CFI: variants seen among roughly 807,000 people sequenced by gnomAD.
CFI encodes the protein complement factor I.
Under a neutral mutation model 78.8 loss-of-function variants are expected in CFI, and 66 were observed. The ratio of observed to expected loss-of-function variants is 0.84; its 90% CI spans 0.69 to 1.03. CFI has a LOEUF of 1.03. Among genes scored for constraint, CFI ranks in the 50% least tolerant of loss-of-function variants. CFI has a pLI of 0.00. For synonymous variants in CFI, 250 were observed against 232.6 expected, an observed-to-expected ratio of 1.07 and a Z score of -0.68; for missense variants, 706 against 704.5, an observed-to-expected ratio of 1.00 and a Z score of -0.02.
downstream of CFI, among the ~76,000 whole-genome samples, chr4:109,737,757 C>G (rs1723452461): frequency 6.6e-6 from 1 of 152,124 alleles, no homozygotes; most frequent in African/African-American, 2.4e-5. Context: ...TTCTCTGGCT[C>G]TTTTGGAAAT....
At position 109,766,698 on chromosome 4, in the gene CFI, T is replaced by C. The variant is rs1393611407; in HGVS notation, c.184A>G (p.Lys62Glu). 6.2e-7 allele frequency: 1 copy of C among 1,614,208 alleles called. No individual in the cohort carries two copies. The highest frequency in any genetic ancestry group is 8.5e-7 in the Non-Finnish European group (1 of 1,180,046). ...QRCIEGTCVCKLPYQCPKNGT... is the reference protein window; with the variant it reads ...QRCIEGTCVCELPYQCPKNGT... ...TTCTTTGGGCACTGATACGGTAGTT[T>C]ACAAACACAGGTGCCCTCAATGCAT... Residue 62 changes from lysine (K) to glutamate (E), a missense_variant, in exon 2 of 13, where the codon AAA becomes GAA. Coordinates refer to ENST00000394634, the MANE Select transcript of CFI (RefSeq NM_000204.5).
chr4:109,739,436 A>G (rs1299738921), downstream of CFI, among the ~76,000 whole-genome samples: 1 of 152,174 alleles, frequency 6.6e-6, no homozygotes, highest in Non-Finnish European at 1.5e-5. Context: ...TAGACAACCC[A>G]ATCAAAACAG....
At chr4:109,787,097 A>G (rs1414330311) in intron 1 of CFI, among the ~76,000 whole-genome samples, 1 of 152,110 alleles carries the variant, frequency 6.6e-6, no homozygotes, top group African/African-American at 2.4e-5. Context: ...CCACTGACCT[A>G]CAGACTTGTA....
At chr4:109,743,864 G>T (rs1724108590) in intron 11 of CFI, among the ~76,000 whole-genome samples, 1 of 151,954 alleles carries the variant, frequency 6.6e-6, no homozygotes, top group Admixed American at 6.6e-5. Context: ...CAGGCATGGT[G>T]GTCCCAGCTG....
intron 1 of CFI, among the ~76,000 whole-genome samples, chr4:109,792,327 T>C (rs10016598): frequency 0.42 from 64,006 of 151,956 alleles, 14,481 homozygotes; most frequent in African/African-American, 0.56. Flanking sequence ...GCCTATAATC[T>C]CAGCACTTTG....
chr4:109,783,005 C>G (rs1304296094), intron 1 of CFI, among the ~76,000 whole-genome samples: 3 of 152,042 alleles, frequency 2.0e-5, no homozygotes, highest in Non-Finnish European at 4.4e-5. Flanking sequence ...ATTCTCATCT[C>G]TCACCTTATA....
chr4:109,758,760 A>T (rs1215683687), intron 6 of CFI, among the ~76,000 whole-genome samples: 1 of 152,220 alleles, frequency 6.6e-6, no homozygotes, highest in African/African-American at 2.4e-5. Flanking sequence ...ACAAGAAGAC[A>T]TTATGTGTAA....
At chr4:109,780,284 TCAAA>T (rs1729833551) in intron 1 of CFI, among the ~76,000 whole-genome samples, 1 of 151,510 alleles carries the variant, frequency 6.6e-6, no homozygotes, top group South Asian at 2.1e-4. Context: ...TACAAAGAAC[TCAAA>T]CAAATTTACA....
downstream of CFI, among the ~76,000 whole-genome samples, chr4:109,736,970 G>C (rs1448637285): frequency 6.6e-6 from 1 of 152,050 alleles, no homozygotes; most frequent in African/African-American, 2.4e-5. Context: ...AATTATCCTA[G>C]TCTCAAATCC....
intron 1 of CFI, among the ~76,000 whole-genome samples, chr4:109,782,486 A>G (rs1206792613): frequency 6.6e-6 from 1 of 151,714 alleles, no homozygotes; most frequent in Admixed American, 6.6e-5. Flanking sequence ...AAAAACTTCT[A>G]CAAGGAAAAC....
Position 109,741,008 on chromosome 4 carries a change from C to G in CFI, c.1637G>C (p.Trp546Ser). 6.2e-7 allele frequency: 1 copy of G among 1,614,166 alleles called. No individual in the cohort carries two copies. Among genetic ancestry groups the G allele is most frequent in the Non-Finnish European group, 8.5e-7 (1 of 1,180,006 alleles). ...NVTYVWGVVS[W>S]GENCGKPEFP... ...CTCTGGTTTTCCACAGTTTTCCCCCCAACTCACAACACCCCAGACATAAGT... is the reference window on the plus strand; with the variant it reads ...CTCTGGTTTTCCACAGTTTTCCCCCGAACTCACAACACCCCAGACATAAGT... The change falls in exon 13 of 13, where the codon TGG becomes TCG. Residue 546 changes from tryptophan (W) to serine (S), a missense_variant. Trp to Ser is a radical substitution (Grantham distance 177, BLOSUM62 -3). Transcript: ENST00000394634.
At chr4:109,736,054 G>A (rs1723352579), downstream of CFI, among the ~76,000 whole-genome samples, 1 of 152,126 alleles carries the variant, frequency 6.6e-6, no homozygotes, top group Admixed American at 6.5e-5. Flanking sequence ...CTGTATCTCA[G>A]GCCTGCTCAG....
chr4:109,786,362 A>T (rs1280097776), intron 1 of CFI, among the ~76,000 whole-genome samples: 1 of 152,154 alleles, frequency 6.6e-6, no homozygotes, highest in East Asian at 1.9e-4. Context: ...TTGCAGTGAC[A>T]TAGCAATTAT....
intron 9 of CFI, 67 bp downstream of exon 9, chr4:109,749,432 T>C: frequency 6.7e-7 from 1 of 1,486,744 alleles, no homozygotes; most frequent in South Asian, 1.1e-5. Flanking sequence ...ATCATCCTCC[T>C]GCCCCTTTCC....
chr4:109,784,095 G>T (rs181398810), intron 1 of CFI, among the ~76,000 whole-genome samples: 389 of 151,680 alleles, frequency 2.6e-3, no homozygotes, highest in African/African-American at 9.0e-3. Flanking sequence ...TATACTGCTC[G>T]GGTGATGGGT....
intron 7 of CFI, among the ~76,000 whole-genome samples, chr4:109,753,441 TATA>T (rs1561293451): frequency 2.8e-5 from 2 of 71,354 alleles, no homozygotes; most frequent in African/African-American, 1.3e-4. Flanking sequence ...ATATTTATTA[TATA>T]ATAAATATTT....
At chr4:109,744,726 C>T (rs935205620) in intron 11 of CFI, among the ~76,000 whole-genome samples, 4 of 152,046 alleles carry the variant, frequency 2.6e-5, no homozygotes, top group Non-Finnish European at 4.4e-5. Flanking sequence ...TGTAATGAAC[C>T]CTTTTATAAA....
At chr4:109,777,585 T>C (rs1325149711) in intron 1 of CFI, among the ~76,000 whole-genome samples, 2 of 152,042 alleles carry the variant, frequency 1.3e-5, no homozygotes, top group East Asian at 1.9e-4. Context: ...AGACAGAAAG[T>C]TAACAAGGAT....
At chr4:109,735,383 T>G in the CFI span, among the ~76,000 whole-genome samples, 1 of 152,232 alleles carries the variant, frequency 6.6e-6, no homozygotes, top group African/African-American at 2.4e-5. Context: ...AACATGGTAG[T>G]ATTGATGAGA....
Sources: gnomAD v4.1 joint callset for allele counts (sites outside exome capture counted in the v4.1 genomes callset) on GRCh38, gnomAD v4.1.1 for gene constraint, MANE v1.5 for transcripts, NCBI Gene and HGNC (gene_info 2026-07-23, HGNC 2026-07-21) for gene names.